CHN2: variants seen among roughly 807,000 people sequenced by gnomAD.
CHN2 encodes beta-chimaerin.
Under a neutral mutation model 56.3 loss-of-function variants are expected in CHN2, and 35 were observed. The observed-to-expected ratio is 0.62, with a 90% confidence interval of 0.47 to 0.82. CHN2 has a LOEUF of 0.82. Among genes scored for constraint, CHN2 ranks in the 40% least tolerant of loss-of-function variants. The probability of loss-of-function intolerance (pLI) is 0.00; values close to 1 mark genes in which losing one functional copy is unlikely to be tolerated. For synonymous variants in CHN2, 210 were observed against 212.8 expected (o/e 0.99, Z 0.12); for missense variants, 491 against 580.5 (o/e 0.85, Z 1.58).
At chr7:29,508,165 C>T (rs150746371) in intron 11 of CHN2, among the ~76,000 whole-genome samples, 3 of 152,104 alleles carry the variant, frequency 2.0e-5, no homozygotes, top group South Asian at 2.1e-4. Context: ...TGAGCTCATG[C>T]GTCCAGGAAT....
chr7:29,344,990 C>A (rs967622797), intron 1 of CHN2, among the ~76,000 whole-genome samples: 1 of 152,212 alleles, frequency 6.6e-6, no homozygotes, highest in Non-Finnish European at 1.5e-5. Context: ...ACTTTGAGCA[C>A]CTGCTGTGTC....
At chr7:29,333,583 A>G (rs1223215643) in intron 1 of CHN2, among the ~76,000 whole-genome samples, 2 of 152,244 alleles carry the variant, frequency 1.3e-5, no homozygotes, top group African/African-American at 2.4e-5. Context: ...AGCAGGTTGG[A>G]TGAACATAAT....
intron 11 of CHN2, among the ~76,000 whole-genome samples, chr7:29,508,510 G>C (rs1045638130): frequency 3.3e-5 from 5 of 151,996 alleles, no homozygotes; most frequent in Non-Finnish European, 5.9e-5. Flanking sequence ...ACAAAGGCAG[G>C]CTGGGATCAG....
At chr7:29,412,967 G>A (rs570559379) in intron 6 of CHN2, among the ~76,000 whole-genome samples, 4 of 152,300 alleles carry the variant, frequency 2.6e-5, no homozygotes, top group South Asian at 2.1e-4. Flanking sequence ...TCCCATTGCC[G>A]TTAATGGAAA....
intron 1 of CHN2, among the ~76,000 whole-genome samples, chr7:29,273,026 C>G (rs1790792124): frequency 6.6e-6 from 1 of 151,918 alleles, no homozygotes; most frequent in South Asian, 2.1e-4. Flanking sequence ...AACTGTAGTC[C>G]TCACGGTGTA....
At chr7:29,491,783 T>A (rs1278176886) in intron 7 of CHN2, among the ~76,000 whole-genome samples, 1 of 152,182 alleles carries the variant, frequency 6.6e-6, no homozygotes, top group East Asian at 1.9e-4. Context: ...ATAATTGACT[T>A]CAAATATTCT....
intron 6 of CHN2, among the ~76,000 whole-genome samples, chr7:29,461,661 T>C (rs1049524924): frequency 6.6e-6 from 1 of 152,242 alleles, no homozygotes; most frequent in Non-Finnish European, 1.5e-5. Flanking sequence ...CTGCCAACAC[T>C]TCTTCTAGTC....
chr7:29,490,212 A>T (rs1010693548), intron 7 of CHN2, among the ~76,000 whole-genome samples: 1 of 151,186 alleles, frequency 6.6e-6, no homozygotes, highest in Non-Finnish European at 1.5e-5. Context: ...TCTCTTCTGT[A>T]AATGTCTTCC....
chr7:29,359,310 T>C (rs966366100), intron 2 of CHN2, among the ~76,000 whole-genome samples: 25 of 152,184 alleles, frequency 1.6e-4, no homozygotes, highest in African/African-American at 5.1e-4. Flanking sequence ...ACCATAAATA[T>C]CTGGCTAAGA....
At chr7:29,235,247 A>G (rs1787101225) in intron 1 of CHN2, among the ~76,000 whole-genome samples, 1 of 152,242 alleles carries the variant, frequency 6.6e-6, no homozygotes, top group Admixed American at 6.5e-5. Flanking sequence ...ACTTCTCAAA[A>G]GAAGACATAC....
intron 1 of CHN2, among the ~76,000 whole-genome samples, chr7:29,235,964 C>T (rs1266091688): frequency 1.3e-5 from 2 of 152,190 alleles, no homozygotes; most frequent in African/African-American, 4.8e-5. Flanking sequence ...ACAAAATAAT[C>T]TGTACACCAA....
intron 1 of CHN2, among the ~76,000 whole-genome samples, chr7:29,205,915 T>C (rs1784487832): frequency 6.6e-6 from 1 of 152,162 alleles, no homozygotes; most frequent in African/African-American, 2.4e-5. Context: ...CACCACCCAA[T>C]TTAGGAACAT....
At chr7:29,328,300 G>A (rs10241267) in intron 1 of CHN2, among the ~76,000 whole-genome samples, 95,120 of 152,006 alleles carry the variant, frequency 0.63, 30,102 homozygotes, top group East Asian at 0.72. Flanking sequence ...GATTAGATTT[G>A]CAAGAGTACA....
Position 29,442,934 on chromosome 7 carries a change from C to CTTTTTTTT in CHN2, c.577-37335_577-37328dup, listed in dbSNP as rs541792526. On this transcript the variant is annotated intron_variant, in intron 6 of 12. Coordinates refer to ENST00000222792, the MANE Select transcript of CHN2 (RefSeq NM_004067.4). ...CATCGCTTTCAATTTCATTGAATTT[C>CTTTTTTTT]TTTTTTTTTTTTTTTTTGAGACGGA... Among the ~76,000 whole-genome samples the CTTTTTTTT allele has an allele frequency of 1.1e-3, 114 of 103,058 alleles. 19 individuals carry two copies. The highest frequency in any genetic ancestry group is 4.5e-3 in the South Asian group (14 of 3,114). 67.6% of individuals were successfully genotyped at this position (103,058 alleles called of 152,430 possible).
At chr7:29,293,748 C>T (rs1792869814) in intron 1 of CHN2, among the ~76,000 whole-genome samples, 1 of 152,156 alleles carries the variant, frequency 6.6e-6, no homozygotes, top group Admixed American at 6.5e-5. Flanking sequence ...GCGCTCCTTT[C>T]CCACACTGTT....
chr7:29,398,067 G>T (rs968443185), intron 4 of CHN2: 3 of 228,090 alleles, frequency 1.3e-5, no homozygotes, highest in Admixed American at 5.4e-5. Context: ...AAGGGGGGGG[G>T]GGGGCGGTGG....
intron 11 of CHN2, among the ~76,000 whole-genome samples, chr7:29,508,418 TAA>T (rs5883218): frequency 0.15 from 21,423 of 145,036 alleles, 1,784 homozygotes; most frequent in Non-Finnish European, 0.19. Flanking sequence ...TGTTTTTATT[TAA>T]AAAAAAAAAA....
Position 29,513,409 on chromosome 7 carries a change from A to G in CHN2, c.*674A>G, listed in dbSNP as rs1053255707. ...CATTGGCATTCTTCTATTGTATGGTATGTATTTATAGCAATTGTAGGATGG... is the reference window on the plus strand; with the variant it reads ...CATTGGCATTCTTCTATTGTATGGTGTGTATTTATAGCAATTGTAGGATGG... On this transcript the variant is annotated 3_prime_UTR_variant, in exon 13 of 13. Coordinates refer to ENST00000222792, the MANE Select transcript of CHN2 (RefSeq NM_004067.4). 2 of 152,716 alleles carry G rather than the reference A, an allele frequency of 1.3e-5. No homozygotes were observed. Among genetic ancestry groups the G allele is most frequent in the Middle Eastern group, 6.8e-3 (2 of 294 alleles). The allele number at this position is 152,716 out of a possible 1,614,324, so 9.5% of individuals were successfully genotyped here. A position where few individuals can be genotyped will look rare whatever the true frequency, so the allele number is the denominator to read the frequency against.
chr7:29,487,424 G>A (rs1406036189), intron 7 of CHN2, among the ~76,000 whole-genome samples: 1 of 152,152 alleles, frequency 6.6e-6, no homozygotes, highest in African/African-American at 2.4e-5. Flanking sequence ...GTGCTATGAA[G>A]AGGAGTTGTT....
Sources: gnomAD v4.1 joint callset for allele counts (sites outside exome capture counted in the v4.1 genomes callset) on GRCh38, gnomAD v4.1.1 for gene constraint, MANE v1.5 for transcripts, NCBI Gene and HGNC (gene_info 2026-07-23, HGNC 2026-07-21) for gene names.